Variants in GSE1 observed in about 807,000 individuals in gnomAD.
GSE1 encodes Gse1 coiled-coil protein.
GSE1 carries 32 observed loss-of-function variants against 112.6 expected under a neutral mutation model. That is an observed-to-expected ratio of 0.28 (90% confidence interval 0.21 to 0.38). GSE1 has a LOEUF of 0.38. Among genes scored for constraint, GSE1 ranks in the 10% least tolerant of loss-of-function variants. The pLI is 1.00. For synonymous variants in GSE1, 1,115 were observed against 735.6 expected (o/e 1.52, Z -8.35); for missense variants, 2,348 against 1,699.2 (o/e 1.38, Z -6.71).
chr16:85,223,144 G>C (rs1040777923), intron 1 of GSE1, among the ~76,000 whole-genome samples: 1 of 152,098 alleles, frequency 6.6e-6, no homozygotes, highest in African/African-American at 2.4e-5. Flanking sequence ...AAGTCTTCAA[G>C]CCTATGGTTA....
At position 85,640,848 on chromosome 16, in the gene GSE1, G is replaced by A. The variant is rs372568799; in HGVS notation, c.226+6716G>A. On this transcript the variant is annotated intron_variant, in intron 2 of 15. Coordinates refer to ENST00000253458, the MANE Select transcript of GSE1 (RefSeq NM_014615.5). ...CGTCTGGAGCCCGTCTGTCTCCCGC[G>A]CAGGTGTGAGCGCCGCGGGCGTCCT... Among the ~76,000 whole-genome samples the A allele has an allele frequency of 5.3e-5, 8 of 152,372 alleles. No homozygotes were observed. In the South Asian group the frequency reaches 1.0e-3, roughly 20 times the overall value.
intron 2 of GSE1, among the ~76,000 whole-genome samples, chr16:85,379,006 C>A (rs2047486190): frequency 6.6e-6 from 1 of 152,196 alleles, no homozygotes; most frequent in South Asian, 2.1e-4. Context: ...GCCAGACAGC[C>A]TTGGGCAAGC....
In GSE1 at chr16:85,332,533, T is replaced by C. The variant is rs544073305; in HGVS notation, c.2284-24930T>C. 1.8e-4 allele frequency among the ~76,000 whole-genome samples: 27 copies of C among 152,230 alleles called. No individual in the cohort carries two copies. The East Asian group carries it at 3.1e-3, about 17-fold the overall frequency. ...GCCAGCAGCTCTTGGTTAATATGAC[T>C]TACGGTGTCCAAAGCCCCCTCCCCG... On this transcript the variant is annotated intron_variant, in intron 1 of 2. Transcript: ENST00000637419.
intron 1 of GSE1, among the ~76,000 whole-genome samples, chr16:85,178,624 C>G (rs989823583): frequency 6.6e-6 from 1 of 151,890 alleles, no homozygotes; most frequent in Non-Finnish European, 1.5e-5. Context: ...TGGGATTTAT[C>G]CTGGAAGGCC....
intron 2 of GSE1, among the ~76,000 whole-genome samples, chr16:85,482,360 G>A (rs2050706596): frequency 6.6e-6 from 1 of 152,242 alleles, no homozygotes; most frequent in African/African-American, 2.4e-5. Context: ...AAGCTGCCCT[G>A]CAAGGGGATT....
intron 2 of GSE1, among the ~76,000 whole-genome samples, chr16:85,422,686 A>G (rs1487498340): frequency 1.3e-5 from 2 of 151,576 alleles, no homozygotes; most frequent in Non-Finnish European, 2.9e-5. Context: ...GCGAGAGGAG[A>G]GAGATCCAGG....
intron 2 of GSE1, among the ~76,000 whole-genome samples, chr16:85,496,291 G>A (rs553910594): frequency 2.6e-5 from 4 of 152,340 alleles, no homozygotes; most frequent in South Asian, 2.1e-4. Flanking sequence ...GCCCCTCGCG[G>A]GCCCGACCGG....
chr16:85,463,202 C>G (rs1307067637), intron 2 of GSE1: 1 of 756,404 alleles, frequency 1.3e-6, no homozygotes, highest in African/African-American at 1.9e-5. Flanking sequence ...GCGCCACCCA[C>G]CCGGGGCTGG....
chr16:85,449,729 T>G (rs2049620797), intron 2 of GSE1, among the ~76,000 whole-genome samples: 1 of 152,204 alleles, frequency 6.6e-6, no homozygotes, highest in African/African-American at 2.4e-5. Flanking sequence ...CCAGCATGCC[T>G]GGGGTTTGGA....
At chr16:85,301,817 C>T (rs1191605798) in intron 1 of GSE1, among the ~76,000 whole-genome samples, 2 of 152,248 alleles carry the variant, frequency 1.3e-5, no homozygotes, top group Non-Finnish European at 2.9e-5. Context: ...CAGTCAGATC[C>T]TGCTGTTTGT....
Position 85,675,979 on chromosome 16 carries a change from AATTCT to A in GSE1, c.*3443_*3447del, listed in dbSNP as rs1193011499. The A allele has an allele frequency of 1.3e-5, 2 of 152,668 alleles. No homozygotes were observed. Among genetic ancestry groups the A allele is most frequent in the African/African-American group, 2.4e-5 (1 of 41,460 alleles). 9.5% of individuals were successfully genotyped at this position (152,668 alleles called of 1,614,324 possible). On this transcript the variant is annotated 3_prime_UTR_variant, in exon 16 of 16. Coordinates refer to ENST00000253458, the MANE Select transcript of GSE1 (RefSeq NM_014615.5). ...GTTATTTTGTATGTACCCTGTGCTT[AATTCT>A]ATAACAGTAAACCCCATACGCAGGT...
chr16:85,509,631 T>C (rs2051665782), intron 2 of GSE1, among the ~76,000 whole-genome samples: 1 of 152,200 alleles, frequency 6.6e-6, no homozygotes, highest in African/African-American at 2.4e-5. Context: ...GGAGGCTCCA[T>C]CTGAGGATGT....
chr16:85,172,515 G>C (rs2074377888), intron 1 of GSE1, among the ~76,000 whole-genome samples: 1 of 152,224 alleles, frequency 6.6e-6, no homozygotes, highest in Non-Finnish European at 1.5e-5. Context: ...GCCCGCCCGC[G>C]AGGAGCCAGA....
intron 1 of GSE1, among the ~76,000 whole-genome samples, chr16:85,604,975 G>T (rs1248684777): frequency 7.0e-6 from 1 of 143,458 alleles, no homozygotes; most frequent in African/African-American, 2.6e-5. Flanking sequence ...CCTCCACCAC[G>T]CCCGGCTAGT....
intron 2 of GSE1, among the ~76,000 whole-genome samples, chr16:85,454,012 C>T (rs112347817): frequency 2.1e-3 from 319 of 152,286 alleles, no homozygotes; most frequent in African/African-American, 7.2e-3. Flanking sequence ...ATTCCACCCC[C>T]GCCCCCTGCC....
At chr16:85,562,733 G>A (rs750247795) in intron 1 of GSE1, among the ~76,000 whole-genome samples, 7 of 152,162 alleles carry the variant, frequency 4.6e-5, no homozygotes, top group Non-Finnish European at 8.8e-5. Context: ...TGGGGGGAGC[G>A]GTCCCAGGGG....
At chr16:85,646,100 G>A (rs2050841589) in intron 2 of GSE1, among the ~76,000 whole-genome samples, 1 of 113,348 alleles carries the variant, frequency 8.8e-6, no homozygotes, top group Admixed American at 8.4e-5. Context: ...CGCTTCCTAT[G>A]CATGCATTCT....
intron 1 of GSE1, among the ~76,000 whole-genome samples, chr16:85,215,441 C>T (rs1358330982): frequency 2.0e-5 from 3 of 152,098 alleles, no homozygotes; most frequent in Non-Finnish European, 4.4e-5. Context: ...AAAAACTACA[C>T]CTTAGATACA....
chr16:85,290,845 C>T (rs865938991), intron 1 of GSE1, among the ~76,000 whole-genome samples: 12 of 152,322 alleles, frequency 7.9e-5, no homozygotes, highest in Middle Eastern at 6.8e-3. Context: ...CTCACCAGCT[C>T]GTGCAGTCCC....
Sources: allele counts gnomAD v4.1 joint callset (sites outside exome capture counted in the v4.1 genomes callset), GRCh38; gene constraint gnomAD v4.1.1; transcripts MANE v1.5; gene names NCBI Gene and HGNC (gene_info 2026-07-23, HGNC 2026-07-21).